SKAP1: variants seen among roughly 807,000 people sequenced by gnomAD.
SKAP1 encodes src kinase associated phosphoprotein 1.
In SKAP1, 44 loss-of-function variants were observed where a neutral mutation model predicts 58.5. The observed-to-expected ratio is 0.75, with a 90% CI of 0.59 to 0.97. The LOEUF (loss-of-function observed/expected upper bound fraction) is 0.97, where lower values mean the gene tolerates loss of function less well. SKAP1 is among the 50% of genes least tolerant of loss of function. The pLI, the probability that SKAP1 is intolerant of heterozygous loss-of-function variation, is 0.00. For synonymous variants in SKAP1, 127 were observed against 149.7 expected (o/e 0.85, Z 1.11); for missense variants, 390 against 435.2 (o/e 0.90, Z 0.92).
At chr17:48,420,101 C>T (rs548747271) in intron 1 of SKAP1, among the ~76,000 whole-genome samples, 3 of 152,196 alleles carry the variant, frequency 2.0e-5, no homozygotes, top group South Asian at 2.1e-4. Flanking sequence ...GCAATGAACT[C>T]GGAAACACAG....
intron 4 of SKAP1, among the ~76,000 whole-genome samples, chr17:48,256,922 T>A (rs537403591): frequency 6.6e-6 from 1 of 152,196 alleles, no homozygotes; most frequent in African/African-American, 2.4e-5. Flanking sequence ...ACACTGCTGA[T>A]GCTCTTGTGA....
chr17:48,368,090 T>C (rs1338577135), intron 2 of SKAP1, among the ~76,000 whole-genome samples: 2 of 152,142 alleles, frequency 1.3e-5, no homozygotes, highest in African/African-American at 2.4e-5. Context: ...AGGGAGTTTG[T>C]TTTTTAAAAA....
At chr17:48,169,018 TG>T (rs1056212617) in intron 10 of SKAP1, among the ~76,000 whole-genome samples, 24 of 152,216 alleles carry the variant, frequency 1.6e-4, no homozygotes, top group African/African-American at 5.8e-4. Flanking sequence ...TCATTATAAC[TG>T]GTGGGAAGTG....
chr17:48,399,025 GAAAC>G (rs200735694), intron 1 of SKAP1, among the ~76,000 whole-genome samples: 4 of 151,002 alleles, frequency 2.6e-5, no homozygotes, highest in East Asian at 3.9e-4. Flanking sequence ...GTCTCAAAAA[GAAAC>G]AAACAAACAA....
rs575361014 is a variant in SKAP1, at chr17:48,345,459, A to G, written c.280+446T>C. Among the ~76,000 whole-genome samples the G allele has an allele frequency of 1.2e-3, 180 of 152,266 alleles. 1 individual carries two copies. The highest frequency in any genetic ancestry group is 4.3e-3 in the African/African-American group (178 of 41,550). ...ATGTGAGAAGTACAGGTGAAATGGT[A>G]TCTTATTATATACTATGATGAGCTC... On this transcript the variant is annotated intron_variant, in intron 4 of 12. Transcript: ENST00000336915.
intron 4 of SKAP1, among the ~76,000 whole-genome samples, chr17:48,200,174 G>A (rs1380809811): frequency 6.6e-6 from 1 of 151,770 alleles, no homozygotes; most frequent in Non-Finnish European, 1.5e-5. Context: ...GCGCACACCT[G>A]TAATCCCAGC....
intron 9 of SKAP1, among the ~76,000 whole-genome samples, chr17:48,171,099 T>TTG (rs1255816936): frequency 8.4e-4 from 122 of 144,520 alleles, no homozygotes; most frequent in Non-Finnish European, 1.5e-3. Flanking sequence ...TGTTGTTTTT[T>TTG]TTTTTTTTTT....
intron 4 of SKAP1, among the ~76,000 whole-genome samples, chr17:48,291,117 TAAACAA>T (rs748540261): frequency 1.8e-4 from 28 of 152,246 alleles, no homozygotes; most frequent in East Asian, 1.2e-3. Flanking sequence ...GACCCTGTCT[TAAACAA>T]AAACAAAAAC....
chr17:48,249,681 C>T (rs1310411954), intron 4 of SKAP1, among the ~76,000 whole-genome samples: 1 of 151,650 alleles, frequency 6.6e-6, no homozygotes, highest in African/African-American at 2.4e-5. Context: ...AAAAACAAAA[C>T]CCGGAAGCCC....
intron 4 of SKAP1, among the ~76,000 whole-genome samples, chr17:48,323,810 T>C (rs776695662): frequency 6.6e-6 from 1 of 152,006 alleles, no homozygotes; most frequent in Non-Finnish European, 1.5e-5. Context: ...AGGTTCCAAA[T>C]AGGCCACAGT....
At chr17:48,346,623 T>TA (rs113152631) in intron 3 of SKAP1, among the ~76,000 whole-genome samples, 5,270 of 144,360 alleles carry the variant, frequency 0.037, 314 homozygotes, top group African/African-American at 0.13. Context: ...AGACTCCATC[T>TA]AAAAAAAAAA....
the SKAP1 span, among the ~76,000 whole-genome samples, chr17:48,438,901 A>G: frequency 1.4e-4 from 22 of 152,150 alleles, no homozygotes; most frequent in African/African-American, 4.6e-4. Flanking sequence ...TGGCCTAGAG[A>G]TGAGGCTAGT....
chr17:48,442,788 G>A, the SKAP1 span, among the ~76,000 whole-genome samples: 1 of 152,158 alleles, frequency 6.6e-6, no homozygotes, highest in South Asian at 2.1e-4. Flanking sequence ...GCAACCCTCT[G>A]GTTTTACGCC....
chr17:48,391,749 A>G (rs1239721939), intron 2 of SKAP1, among the ~76,000 whole-genome samples: 2 of 149,118 alleles, frequency 1.3e-5, no homozygotes, highest in East Asian at 2.0e-4. Flanking sequence ...TTTCAGAGCT[A>G]TTTAAACTTA....
chr17:48,154,313 T>G (rs900053319), intron 11 of SKAP1, among the ~76,000 whole-genome samples: 1 of 152,250 alleles, frequency 6.6e-6, no homozygotes, highest in Admixed American at 6.5e-5. Flanking sequence ...CATGACCATC[T>G]GACAGCATCA....
chr17:48,362,157 G>T (rs1464321975), intron 3 of SKAP1, among the ~76,000 whole-genome samples: 1 of 152,122 alleles, frequency 6.6e-6, no homozygotes, highest in Non-Finnish European at 1.5e-5. Context: ...TGTCTCCTTG[G>T]CTGCTCTACC....
chr17:48,146,097 A>C (rs2063829449), intron 11 of SKAP1, among the ~76,000 whole-genome samples: 1 of 152,118 alleles, frequency 6.6e-6, no homozygotes, highest in African/African-American at 2.4e-5. Flanking sequence ...CCGGCACTCT[A>C]TGGGAAAAAA....
At chr17:48,254,248 T>C (rs1319927824) in intron 4 of SKAP1, among the ~76,000 whole-genome samples, 1 of 152,180 alleles carries the variant, frequency 6.6e-6, no homozygotes, top group East Asian at 1.9e-4. Context: ...AGATGTTTTC[T>C]TTTCCTTTTT....
At chr17:48,138,801 C>T (rs978815508) in intron 11 of SKAP1, among the ~76,000 whole-genome samples, 1 of 152,160 alleles carries the variant, frequency 6.6e-6, no homozygotes. Flanking sequence ...CAGGCGTGAG[C>T]CACTGTGCCC....
Sources: allele counts gnomAD v4.1 joint callset (sites outside exome capture counted in the v4.1 genomes callset), GRCh38; gene constraint gnomAD v4.1.1; transcripts MANE v1.5; gene names NCBI Gene and HGNC (gene_info 2026-07-23, HGNC 2026-07-21).